Variants in MEMO1 observed in about 807,000 individuals in gnomAD.
MEMO1 encodes the protein protein MEMO1.
In MEMO1, 6 loss-of-function variants were observed where a neutral mutation model predicts 45.2. The observed-to-expected ratio is 0.13, with a 90% CI of 0.07 to 0.26. MEMO1 has a LOEUF of 0.26. Ranked by LOEUF, MEMO1 falls within the 10% of genes least tolerant of loss-of-function variation. MEMO1 has a pLI of 1.00. For synonymous variants in MEMO1, 78 were observed against 124.3 expected (o/e 0.63, Z 2.48); for missense variants, 184 against 370.5 (o/e 0.50, Z 4.13).
At chr2:32,010,112 G>A in intron 2 of MEMO1, 75 bp downstream of exon 2, 1 of 777,358 alleles carries the variant, frequency 1.3e-6, no homozygotes, top group Non-Finnish European at 1.6e-6. Flanking sequence ...GCGGGGCCGG[G>A]CCGCCGACCT....
At chr2:31,878,924 C>A (rs1426042124) in intron 8 of MEMO1, among the ~76,000 whole-genome samples, 1 of 151,864 alleles carries the variant, frequency 6.6e-6, no homozygotes, top group Non-Finnish European at 1.5e-5. Flanking sequence ...AAGGTTAAAC[C>A]GAGGAGAAAC....
rs574876966 is a variant in MEMO1, at chr2:31,923,417, G to A, written c.213-2507C>T. The A allele has an allele frequency of 5.8e-5, 21 of 362,796 alleles. No homozygotes were observed. In the South Asian group the frequency reaches 1.7e-3, roughly 29 times the overall value. 22.5% of individuals were successfully genotyped at this position (362,796 alleles called of 1,614,324 possible). A position where few individuals can be genotyped will look rare whatever the true frequency, so the allele number is the denominator to read the frequency against. ...TTAGCACTGCTAATCCTCACTTCTT[G>A]TCATCACCTCTATCATCAATTCGAG... On this transcript the variant is annotated intron_variant, in intron 4 of 9. Transcript: ENST00000404530.
chr2:31,920,597 T>C (rs922750037), intron 5 of MEMO1, among the ~76,000 whole-genome samples: 2 of 152,166 alleles, frequency 1.3e-5, no homozygotes, highest in Non-Finnish European at 2.9e-5. Context: ...CAGATTTCTG[T>C]AGCTAGCTAA....
intron 6 of MEMO1, among the ~76,000 whole-genome samples, chr2:31,901,264 T>A (rs1268524357): frequency 6.7e-6 from 1 of 148,878 alleles, no homozygotes; most frequent in Non-Finnish European, 1.5e-5. Context: ...TCCCAGCTAC[T>A]TGGGAGGCGG....
intron 2 of MEMO1, among the ~76,000 whole-genome samples, 164 bp downstream of exon 2, chr2:32,010,023 G>A (rs1464672434): frequency 6.7e-6 from 1 of 148,258 alleles, no homozygotes; most frequent in African/African-American, 2.4e-5. Context: ...AGGCGGCGAG[G>A]CCGGCCTCGG....
chr2:31,946,654 T>C (rs1666231015), intron 2 of MEMO1, among the ~76,000 whole-genome samples: 2 of 152,028 alleles, frequency 1.3e-5, no homozygotes, highest in East Asian at 1.9e-4. Context: ...CTGAGCTCAG[T>C]AGATCAAGAC....
At chr2:31,905,354 T>A (rs980754822) in intron 6 of MEMO1, among the ~76,000 whole-genome samples, 1 of 152,192 alleles carries the variant, frequency 6.6e-6, no homozygotes, top group South Asian at 2.1e-4. Flanking sequence ...AATTAACATT[T>A]AAGTCATTAT....
At chr2:31,983,674 T>G (rs1423753222) in intron 2 of MEMO1, among the ~76,000 whole-genome samples, 1 of 152,196 alleles carries the variant, frequency 6.6e-6, no homozygotes, top group Admixed American at 6.5e-5. Flanking sequence ...CCGCAGGTGA[T>G]CCGCCTGCCT....
At chr2:31,983,884 G>GA (rs1670956104) in intron 2 of MEMO1, among the ~76,000 whole-genome samples, 1 of 152,190 alleles carries the variant, frequency 6.6e-6, no homozygotes, top group African/African-American at 2.4e-5. Context: ...CCAAAGAATG[G>GA]AACATGCCAA....
At chr2:31,937,862 G>A (rs1052261314) in intron 3 of MEMO1, among the ~76,000 whole-genome samples, 5 of 152,126 alleles carry the variant, frequency 3.3e-5, no homozygotes, top group African/African-American at 7.2e-5. Context: ...TTTCTTAAGC[G>A]ATGCATATCT....
At chr2:31,880,712 C>T (rs1004426643) in intron 8 of MEMO1, among the ~76,000 whole-genome samples, 6 of 152,294 alleles carry the variant, frequency 3.9e-5, no homozygotes, top group African/African-American at 1.4e-4. Context: ...TTAAAATAAT[C>T]TGTCAGTGGT....
intron 2 of MEMO1, among the ~76,000 whole-genome samples, chr2:32,008,647 T>C (rs967851173): frequency 6.6e-6 from 1 of 152,322 alleles, no homozygotes; most frequent in Admixed American, 6.5e-5. Flanking sequence ...ATAATTTAAC[T>C]GGCATTCTCA....
chr2:31,900,111 A>C (rs1678555590), intron 6 of MEMO1, among the ~76,000 whole-genome samples: 1 of 152,236 alleles, frequency 6.6e-6, no homozygotes, highest in African/African-American at 2.4e-5. Context: ...CCATTGCGGA[A>C]GACAGTGTGG....
rs1183965514 is a variant in MEMO1 at position 32,010,341 on chromosome 2, G to A, written c.-17-77C>T. On this transcript the variant is annotated intron_variant, in intron 1 of 9. Coordinates refer to ENST00000404530, the MANE Select transcript of MEMO1 (RefSeq NM_001301833.4). ...GCTCCGCGAGGGGACGAGACACCGC[G>A]GGCCCAGCCCAGGAGGAGGCGGCAG... 6 of 684,460 alleles carry A rather than the reference G, an allele frequency of 8.8e-6. No individual in the cohort carries two copies. The East Asian group carries it at 1.7e-4, about 19-fold the overall frequency. 42.4% of individuals were successfully genotyped at this position (684,460 alleles called of 1,614,324 possible). A position where few individuals can be genotyped will look rare whatever the true frequency, so the allele number is the denominator to read the frequency against.
chr2:31,885,639 G>A (rs1676085107), intron 7 of MEMO1, among the ~76,000 whole-genome samples: 1 of 152,138 alleles, frequency 6.6e-6, no homozygotes, highest in African/African-American at 2.4e-5. Flanking sequence ...CAATATTCTT[G>A]GAGGAAATCA....
intron 6 of MEMO1, among the ~76,000 whole-genome samples, chr2:31,900,324 T>G: frequency 6.6e-6 from 1 of 152,186 alleles, no homozygotes; most frequent in Middle Eastern, 3.2e-3. Context: ...ATGAGGCACC[T>G]ATATACCATG....
chr2:31,870,764 G>T (rs1406368122), intron 8 of MEMO1, among the ~76,000 whole-genome samples: 1 of 152,058 alleles, frequency 6.6e-6, no homozygotes, highest in Non-Finnish European at 1.5e-5. Context: ...TTTTAGTAGA[G>T]ACCAGGTTTC....
chr2:32,004,064 A>G (rs1297957857), intron 2 of MEMO1, among the ~76,000 whole-genome samples: 1 of 152,178 alleles, frequency 6.6e-6, no homozygotes, highest in African/African-American at 2.4e-5. Context: ...ACATGCCTAT[A>G]ATCCTACTCA....
At chr2:31,928,950 G>T (rs1401028195) in intron 4 of MEMO1, among the ~76,000 whole-genome samples, 1 of 152,048 alleles carries the variant, frequency 6.6e-6, no homozygotes, top group Non-Finnish European at 1.5e-5. Context: ...TAGAGCTTCC[G>T]AACGTGAATT....
Sources: gnomAD v4.1 joint callset for allele counts (sites outside exome capture counted in the v4.1 genomes callset) on GRCh38, gnomAD v4.1.1 for gene constraint, MANE v1.5 for transcripts, NCBI Gene and HGNC (gene_info 2026-07-23, HGNC 2026-07-21) for gene names.